Variants in PCSK5 observed in about 807,000 individuals in gnomAD.
PCSK5 encodes the protein prohormone convertase 5.
Under a neutral mutation model 233.2 loss-of-function variants are expected in PCSK5, and 129 were observed. That is an observed-to-expected ratio of 0.55 (90% CI 0.48 to 0.64). PCSK5 has a LOEUF of 0.64. PCSK5 is among the 30% of genes least tolerant of loss of function. The probability of loss-of-function intolerance (pLI) is 0.00; values close to 1 mark genes in which losing one functional copy is unlikely to be tolerated. For synonymous variants in PCSK5, 825 were observed against 879.2 expected, an observed-to-expected ratio of 0.94 and a Z score of 1.09; for missense variants, 2,076 against 2,430.1, an observed-to-expected ratio of 0.85 and a Z score of 3.06.
At chr9:76,252,593 A>G (rs1056155859) in intron 24 of PCSK5, among the ~76,000 whole-genome samples, 1 of 152,182 alleles carries the variant, frequency 6.6e-6, no homozygotes. Flanking sequence ...TAGCCGTGGC[A>G]TCCTCCCCAC....
intron 1 of PCSK5, among the ~76,000 whole-genome samples, chr9:75,895,663 C>T (rs1825771780): frequency 6.6e-6 from 1 of 152,178 alleles, no homozygotes; most frequent in Non-Finnish European, 1.5e-5. Flanking sequence ...GATAAGCATA[C>T]TGCGGATGGA....
At chr9:76,021,827 T>C (rs903664773) in intron 3 of PCSK5, among the ~76,000 whole-genome samples, 1 of 152,140 alleles carries the variant, frequency 6.6e-6, no homozygotes, top group Non-Finnish European at 1.5e-5. Context: ...AAAAGCCGAG[T>C]TGTGGCCTAC....
At chr9:76,064,977 G>T (rs1830230285) in intron 5 of PCSK5, among the ~76,000 whole-genome samples, 1 of 152,220 alleles carries the variant, frequency 6.6e-6, no homozygotes, top group South Asian at 2.1e-4. Flanking sequence ...ATGGGCCACT[G>T]CATCTGGCCA....
At chr9:76,144,468 C>T (rs965302877) in intron 10 of PCSK5, among the ~76,000 whole-genome samples, 13 of 152,138 alleles carry the variant, frequency 8.5e-5, no homozygotes, top group Non-Finnish European at 1.8e-4. Context: ...GACAGAGCTG[C>T]CACACCTGGT....
chr9:75,990,729 C>T (rs1435613826), intron 3 of PCSK5, among the ~76,000 whole-genome samples: 1 of 152,200 alleles, frequency 6.6e-6, no homozygotes, highest in Non-Finnish European at 1.5e-5. Context: ...TCTGGGATCA[C>T]GTGCATATAT....
intron 20 of PCSK5, chr9:76,194,716 T>C: frequency 2.2e-6 from 1 of 459,360 alleles, no homozygotes; most frequent in Non-Finnish European, 4.5e-6. Flanking sequence ...CCAGAAACGA[T>C]GAAATCTTAT....
At chr9:76,232,225 A>G (rs999366416) in intron 21 of PCSK5, among the ~76,000 whole-genome samples, 1 of 152,226 alleles carries the variant, frequency 6.6e-6, no homozygotes, top group African/African-American at 2.4e-5. Flanking sequence ...GGTGTCCAGC[A>G]TAAGTGGAGA....
intron 10 of PCSK5, among the ~76,000 whole-genome samples, chr9:76,154,692 G>C (rs778652153): frequency 3.3e-5 from 5 of 152,144 alleles, no homozygotes; most frequent in African/African-American, 4.8e-5. Flanking sequence ...ATCGGAGGTA[G>C]AGCTCCTGAC....
chr9:75,890,272 T>C (rs1039055841), upstream of PCSK5, among the ~76,000 whole-genome samples: 3 of 152,240 alleles, frequency 2.0e-5, no homozygotes, highest in African/African-American at 4.8e-5. Flanking sequence ...TGTTCGGCAA[T>C]TGACACGTAA....
intron 24 of PCSK5, among the ~76,000 whole-genome samples, chr9:76,262,266 G>GAA (rs1224060342): frequency 6.6e-6 from 1 of 152,016 alleles, no homozygotes; most frequent in African/African-American, 2.4e-5. Context: ...CACAGAATTG[G>GAA]AAAAAACTAC....
intron 5 of PCSK5, among the ~76,000 whole-genome samples, chr9:76,039,701 A>G (rs940386065): frequency 1.3e-5 from 2 of 152,226 alleles, no homozygotes; most frequent in Non-Finnish European, 1.5e-5. Flanking sequence ...AAAATGCAAT[A>G]CACAAGAACT....
intron 8 of PCSK5, among the ~76,000 whole-genome samples, chr9:76,102,293 C>T (rs752058444): frequency 6.6e-6 from 1 of 152,142 alleles, no homozygotes; most frequent in African/African-American, 2.4e-5. Context: ...GCCTCTATTT[C>T]CTTAGCTAAT....
intron 2 of PCSK5, among the ~76,000 whole-genome samples, chr9:75,950,785 C>T (rs4317644): frequency 0.71 from 107,935 of 152,040 alleles, 38,447 homozygotes; most frequent in East Asian, 0.84. Context: ...CATCAACTAA[C>T]GAGCAAAATC....
chr9:76,075,423 T>G (rs1043144138), intron 7 of PCSK5, among the ~76,000 whole-genome samples: 3 of 152,068 alleles, frequency 2.0e-5, no homozygotes, highest in Non-Finnish European at 4.4e-5. Flanking sequence ...GTCCTGAATT[T>G]TGTTTGTATT....
chr9:76,257,112 A>T (rs750584597), intron 24 of PCSK5, among the ~76,000 whole-genome samples: 1 of 152,158 alleles, frequency 6.6e-6, no homozygotes, highest in African/African-American at 2.4e-5. Context: ...CATGTCTGAC[A>T]TGCACCACTG....
chr9:75,945,139 A>G (rs1824505596), intron 2 of PCSK5, among the ~76,000 whole-genome samples: 1 of 150,908 alleles, frequency 6.6e-6, no homozygotes, highest in South Asian at 2.1e-4. Flanking sequence ...ATAAAATAAA[A>G]CATATAAAAA....
At chr9:76,130,934 G>A (rs531378558) in intron 9 of PCSK5, among the ~76,000 whole-genome samples, 1 of 152,228 alleles carries the variant, frequency 6.6e-6, no homozygotes, top group East Asian at 1.9e-4. Flanking sequence ...CTCAATAGTT[G>A]CTTGCTTCAA....
At chr9:76,310,045 T>C (rs551686063) in intron 29 of PCSK5, among the ~76,000 whole-genome samples, 19 of 152,082 alleles carry the variant, frequency 1.2e-4, no homozygotes, top group African/African-American at 4.3e-4. Context: ...GTCAGGAGTC[T>C]GAGTCCCACC....
chr9:76,347,297 GCT>G (rs1453736081), intron 35 of PCSK5, among the ~76,000 whole-genome samples: 3 of 152,048 alleles, frequency 2.0e-5, no homozygotes, highest in African/African-American at 7.2e-5. Context: ...ATGGTGAACT[GCT>G]CTGAGTTTTA....
Sources: allele counts gnomAD v4.1 joint callset (sites outside exome capture counted in the v4.1 genomes callset), GRCh38; gene constraint gnomAD v4.1.1; transcripts MANE v1.5; gene names NCBI Gene and HGNC (gene_info 2026-07-23, HGNC 2026-07-21).